Variants in AKR1C8 observed in about 807,000 individuals in gnomAD.
AKR1C8 encodes aldo-keto reductase family 1 member C-like protein 1.
At chr10:5,150,710 A>G in the AKR1C8 span, among the ~76,000 whole-genome samples, 1 of 152,144 alleles carries the variant, frequency 6.6e-6, no homozygotes, top group South Asian at 2.1e-4. Flanking sequence ...TCACTGTAAA[A>G]TAAGTCATTC....
the AKR1C8 span, among the ~76,000 whole-genome samples, chr10:5,157,473 G>GAGTTC: frequency 6.6e-6 from 1 of 152,210 alleles, no homozygotes; most frequent in East Asian, 1.9e-4. Context: ...TGAGGACTCT[G>GAGTTC]AGTTCAGTGC....
the AKR1C8 span, among the ~76,000 whole-genome samples, chr10:5,143,318 G>T: frequency 6.6e-6 from 1 of 152,064 alleles, no homozygotes; most frequent in African/African-American, 2.4e-5. Flanking sequence ...ACTTGTTCAC[G>T]AGTGCCTTCT....
the AKR1C8 span, among the ~76,000 whole-genome samples, chr10:5,163,292 A>G: frequency 6.6e-6 from 1 of 152,226 alleles, no homozygotes; most frequent in African/African-American, 2.4e-5. Flanking sequence ...TGAATATAAC[A>G]TATTAGACAC....
At chr10:5,166,257 T>C in the AKR1C8 span, among the ~76,000 whole-genome samples, 1 of 151,976 alleles carries the variant, frequency 6.6e-6, no homozygotes, top group South Asian at 2.1e-4. Context: ...AAGCTACCAA[T>C]GACTTTCTTC....
the AKR1C8 span, among the ~76,000 whole-genome samples, chr10:5,146,704 G>C: frequency 2.0e-5 from 3 of 152,088 alleles, no homozygotes; most frequent in Admixed American, 1.3e-4. Flanking sequence ...TCTGCTGACT[G>C]TTCCTTTTGC....
At chr10:5,139,326 A>G in the AKR1C8 span, among the ~76,000 whole-genome samples, 6 of 152,226 alleles carry the variant, frequency 3.9e-5, no homozygotes, top group African/African-American at 9.6e-5. Context: ...GAACCAAAAA[A>G]GAGCCTGCAT....
the AKR1C8 span, among the ~76,000 whole-genome samples, chr10:5,147,974 G>A: frequency 5.9e-5 from 9 of 152,268 alleles, no homozygotes; most frequent in Admixed American, 3.3e-4. Flanking sequence ...CTGGCTCAGC[G>A]AAGCTGCCAA....
the AKR1C8 span, among the ~76,000 whole-genome samples, chr10:5,141,684 A>C: frequency 1.3e-5 from 2 of 152,306 alleles, no homozygotes; most frequent in South Asian, 4.2e-4. Context: ...TTTATTAACC[A>C]GGTGTATTGC....
chr10:5,178,680 T>C, the AKR1C8 span, among the ~76,000 whole-genome samples: 2 of 152,330 alleles, frequency 1.3e-5, no homozygotes, highest in Non-Finnish European at 2.9e-5. Context: ...TGGATGCATA[T>C]ATATTTAGGA....
the AKR1C8 span, among the ~76,000 whole-genome samples, chr10:5,149,643 G>A: frequency 9.2e-5 from 14 of 152,230 alleles, no homozygotes; most frequent in African/African-American, 2.9e-4. Context: ...TAAAAGGACA[G>A]TCTTTCCAAG....
At chr10:5,145,315 G>A in the AKR1C8 span, among the ~76,000 whole-genome samples, 1 of 152,200 alleles carries the variant, frequency 6.6e-6, no homozygotes, top group African/African-American at 2.4e-5. Context: ...AACACCAAAA[G>A]CAATGGCAAC....
At chr10:5,161,820 C>G in the AKR1C8 span, 1 of 534,598 alleles carries the variant, frequency 1.9e-6, no homozygotes. Context: ...CATGATGAAA[C>G]AGTCTTGGGC....
chr10:5,146,708 CT>C, the AKR1C8 span, among the ~76,000 whole-genome samples: 2 of 152,120 alleles, frequency 1.3e-5, no homozygotes, highest in Non-Finnish European at 2.9e-5. Flanking sequence ...CTGACTGTTC[CT>C]TTTGCCATGC....
the AKR1C8 span, among the ~76,000 whole-genome samples, chr10:5,164,969 G>A: frequency 1.3e-5 from 2 of 152,056 alleles, no homozygotes; most frequent in African/African-American, 4.8e-5. Flanking sequence ...TTTACAAGTT[G>A]TGGATATATT....
the AKR1C8 span, among the ~76,000 whole-genome samples, chr10:5,142,217 T>C: frequency 6.6e-6 from 1 of 152,178 alleles, no homozygotes; most frequent in African/African-American, 2.4e-5. Flanking sequence ...TTCATACACT[T>C]GAAGAGAGTT....
chr10:5,121,870 T>C, the AKR1C8 span, among the ~76,000 whole-genome samples: 1 of 152,028 alleles, frequency 6.6e-6, no homozygotes, highest in African/African-American at 2.4e-5. Flanking sequence ...TGATTCACAA[T>C]GGTGCAGACA....
At chr10:5,123,081 C>G in the AKR1C8 span, among the ~76,000 whole-genome samples, 3 of 152,256 alleles carry the variant, frequency 2.0e-5, no homozygotes, top group Middle Eastern at 6.8e-3. Flanking sequence ...GTTTTGGTTC[C>G]ATCCTAATTC....
chr10:5,136,140 T>C, the AKR1C8 span, among the ~76,000 whole-genome samples: 1 of 152,194 alleles, frequency 6.6e-6, no homozygotes, highest in South Asian at 2.1e-4. Flanking sequence ...TTTACATAAT[T>C]TGTGATCCTG....
chr10:5,132,676 GCTC>G, the AKR1C8 span: 8 of 1,592,030 alleles, frequency 5.0e-6, no homozygotes, highest in Middle Eastern at 3.4e-4. Context: ...AGTCCAACCT[GCTC>G]CTCATTATTG....
Sources: allele counts gnomAD v4.1 joint callset (sites outside exome capture counted in the v4.1 genomes callset), GRCh38; gene constraint gnomAD v4.1.1; transcripts MANE v1.5; gene names NCBI Gene and HGNC (gene_info 2026-07-23, HGNC 2026-07-21).